The following CADM1 variants were observed in gnomAD, a reference collection of about 807,000 sequenced individuals.
CADM1 encodes the protein TSLC-1.
CADM1 carries 15 observed loss-of-function variants against 53.1 expected under a neutral mutation model. The ratio of observed to expected loss-of-function variants is 0.28; its 90% CI spans 0.19 to 0.44. The LOEUF (loss-of-function observed/expected upper bound fraction) is 0.44. Ranked by LOEUF, CADM1 falls within the 20% of genes least tolerant of loss-of-function variation. The pLI, the probability that CADM1 is intolerant of heterozygous loss-of-function variation, is 1.00. For synonymous variants in CADM1, 281 were observed against 243.0 expected, an observed-to-expected ratio of 1.16 and a Z score of -1.45; for missense variants, 434 against 611.3, an observed-to-expected ratio of 0.71 and a Z score of 3.06.
intron 1 of CADM1, among the ~76,000 whole-genome samples, chr11:115,374,151 A>G (rs938029679): frequency 1.3e-5 from 2 of 152,162 alleles, no homozygotes; most frequent in Non-Finnish European, 2.9e-5. Context: ...ACAAAACAAA[A>G]CAAAAAACCT....
At chr11:115,333,949 C>G (rs566577664) in intron 1 of CADM1, among the ~76,000 whole-genome samples, 2 of 152,204 alleles carry the variant, frequency 1.3e-5, no homozygotes, top group South Asian at 2.1e-4. Context: ...TGAATGAAAA[C>G]GAAGTGAGGT....
intron 1 of CADM1, among the ~76,000 whole-genome samples, chr11:115,426,606 T>C (rs1947899629): frequency 6.6e-6 from 1 of 152,166 alleles, no homozygotes; most frequent in Admixed American, 6.5e-5. Context: ...AATCACCCTT[T>C]ACTCTCTTTC....
intron 1 of CADM1, among the ~76,000 whole-genome samples, chr11:115,431,508 A>T (rs768982099): frequency 8.5e-5 from 13 of 152,122 alleles, no homozygotes; most frequent in Non-Finnish European, 1.9e-4. Flanking sequence ...ATCTAGGGTC[A>T]TGTTACCCCT....
intron 1 of CADM1, among the ~76,000 whole-genome samples, chr11:115,320,543 A>G (rs1455023041): frequency 6.6e-6 from 1 of 152,140 alleles, no homozygotes; most frequent in East Asian, 1.9e-4. Context: ...AGGTGTTTAT[A>G]GTATTTCCCT....
In CADM1 at chr11:115,504,334, GCGC is replaced by G. The variant is rs763822269; in HGVS notation, c.58_60del (p.Ala20del). The stretch of plus-strand genomic sequence containing the variant: ...AGAAGCCGGAGCCGGAGCCCGGGAG[GCGC>G]CGCCGCCGCCGCTGCCGCCGCACAC... On this transcript the variant is annotated inframe_deletion, in exon 1 of 12. Coordinates refer to ENST00000331581, the MANE Select transcript of CADM1 (RefSeq NM_001301043.2). 7 of 1,550,372 alleles carry G rather than the reference GCGC, an allele frequency of 4.5e-6. No individual in the cohort carries two copies. Among genetic ancestry groups the G allele is most frequent in the South Asian group, 1.2e-5 (1 of 84,078 alleles).
At chr11:115,283,016 G>A (rs1185661975) in intron 1 of CADM1, among the ~76,000 whole-genome samples, 1 of 152,110 alleles carries the variant, frequency 6.6e-6, no homozygotes, top group Non-Finnish European at 1.5e-5. Flanking sequence ...TGCTCCACAC[G>A]ATATACTAAA....
At chr11:115,480,583 G>A (rs982236967) in intron 1 of CADM1, among the ~76,000 whole-genome samples, 2 of 152,144 alleles carry the variant, frequency 1.3e-5, no homozygotes, top group African/African-American at 4.8e-5. Context: ...TGGTCTCTGG[G>A]AAGAGTGACA....
intron 1 of CADM1, among the ~76,000 whole-genome samples, chr11:115,405,123 T>TA (rs1947281715): frequency 6.6e-6 from 1 of 152,096 alleles, no homozygotes; most frequent in African/African-American, 2.4e-5. Context: ...CTGGCTAATT[T>TA]ATTTTTATTT....
chr11:115,232,281 T>C (rs975219833), intron 3 of CADM1, among the ~76,000 whole-genome samples: 15 of 152,228 alleles, frequency 9.9e-5, no homozygotes, highest in African/African-American at 3.6e-4. Flanking sequence ...AAAGAATCAC[T>C]CACCATAAAA....
chr11:115,250,622 C>T (rs1942572048), intron 1 of CADM1, among the ~76,000 whole-genome samples: 1 of 152,218 alleles, frequency 6.6e-6, no homozygotes, highest in South Asian at 2.1e-4. Context: ...AAAACTCTCA[C>T]TGCTATCTGG....
intron 1 of CADM1, among the ~76,000 whole-genome samples, chr11:115,297,845 A>C (rs1944119099): frequency 6.6e-6 from 1 of 152,222 alleles, no homozygotes; most frequent in South Asian, 2.1e-4. Context: ...TTTAAGAATA[A>C]CTAACTCTTG....
intron 1 of CADM1, among the ~76,000 whole-genome samples, chr11:115,358,355 G>A (rs1182239815): frequency 3.3e-5 from 5 of 152,194 alleles, no homozygotes; most frequent in African/African-American, 4.8e-5. Context: ...CGTGGCTGAG[G>A]AGGCCTTACA....
At chr11:115,320,173 T>C (rs1215058114) in intron 1 of CADM1, among the ~76,000 whole-genome samples, 6 of 152,084 alleles carry the variant, frequency 3.9e-5, no homozygotes, top group Admixed American at 3.9e-4. Flanking sequence ...GGCGATCCTC[T>C]CACCTCAGGC....
At chr11:115,490,294 C>T (rs1458368494) in intron 1 of CADM1, among the ~76,000 whole-genome samples, 4 of 151,256 alleles carry the variant, frequency 2.6e-5, no homozygotes, top group Non-Finnish European at 5.9e-5. Context: ...AGGGAATTCT[C>T]TATGAGGACT....
chr11:115,224,533 C>T (rs1941529400), intron 5 of CADM1, among the ~76,000 whole-genome samples: 1 of 152,038 alleles, frequency 6.6e-6, no homozygotes, highest in South Asian at 2.1e-4. Context: ...TGCACAAACA[C>T]AAAACCCTCA....
chr11:115,461,517 A>G (rs1048036072), intron 1 of CADM1, among the ~76,000 whole-genome samples: 2 of 152,234 alleles, frequency 1.3e-5, no homozygotes, highest in African/African-American at 4.8e-5. Context: ...GATGTAGGCA[A>G]TGTTTTATTA....
chr11:115,465,901 T>C (rs560774167), intron 1 of CADM1, among the ~76,000 whole-genome samples: 51 of 152,194 alleles, frequency 3.4e-4, no homozygotes, highest in Non-Finnish European at 6.3e-4. Flanking sequence ...AATTCTATAA[T>C]AGAATTCTGC....
At chr11:115,295,594 AT>A (rs1944057850) in intron 1 of CADM1, among the ~76,000 whole-genome samples, 1 of 145,980 alleles carries the variant, frequency 6.9e-6, no homozygotes. Context: ...ACATATATAA[AT>A]TCTGCAATTT....
intron 1 of CADM1, among the ~76,000 whole-genome samples, chr11:115,287,231 G>A (rs1943752403): frequency 6.6e-6 from 1 of 152,196 alleles, no homozygotes; most frequent in Non-Finnish European, 1.5e-5. Context: ...ATATTCTACA[G>A]CACTGAAAAC....
Sources: allele counts gnomAD v4.1 joint callset (sites outside exome capture counted in the v4.1 genomes callset), GRCh38; gene constraint gnomAD v4.1.1; transcripts MANE v1.5; gene names NCBI Gene and HGNC (gene_info 2026-07-23, HGNC 2026-07-21).